The following CFAP58 variants were observed in gnomAD, a reference collection of about 807,000 sequenced individuals.
The protein encoded by CFAP58 is cilia- and flagella-associated protein 58.
Under a neutral mutation model 119.5 loss-of-function variants are expected in CFAP58, and 88 were observed. The ratio of observed to expected loss-of-function variants is 0.74; its 90% confidence interval spans 0.62 to 0.88. The LOEUF is 0.88. Ranked by LOEUF, CFAP58 falls within the 40% of genes least tolerant of loss-of-function variation. CFAP58 has a pLI of 0.00. For synonymous variants in CFAP58, 365 were observed against 366.3 expected (o/e 1.00, Z 0.04); for missense variants, 990 against 1,021.2 (o/e 0.97, Z 0.42).
chr10:104,345,427 T>A, the CFAP58 span, among the ~76,000 whole-genome samples: 1 of 152,150 alleles, frequency 6.6e-6, no homozygotes. Flanking sequence ...CTGTAGAATC[T>A]TAAATGTTCG....
intron 13 of CFAP58, among the ~76,000 whole-genome samples, chr10:104,401,675 G>A (rs186353875): frequency 6.6e-6 from 1 of 152,178 alleles, no homozygotes; most frequent in Non-Finnish European, 1.5e-5. Flanking sequence ...AATTGGGTTA[G>A]AAGATAGTTT....
chr10:104,392,732 TG>T (rs1167064963), intron 10 of CFAP58, among the ~76,000 whole-genome samples: 4 of 150,752 alleles, frequency 2.7e-5, no homozygotes, highest in African/African-American at 9.8e-5. Context: ...CTCTGCCTCC[TG>T]GGTTCAAGTG....
chr10:104,425,337 G>C (rs2012726447), intron 15 of CFAP58, among the ~76,000 whole-genome samples: 1 of 152,168 alleles, frequency 6.6e-6, no homozygotes, highest in Non-Finnish European at 1.5e-5. Flanking sequence ...GTGGGGATGT[G>C]GTTGAGTAGC....
At position 104,400,663 on chromosome 10, in the gene CFAP58, C is replaced by G. The variant is rs761762486; in HGVS notation, c.1816-17C>G. The G allele has an allele frequency of 4.4e-6, 7 of 1,606,452 alleles. No individual in the cohort carries two copies. In the Admixed American group the frequency reaches 1.2e-4, roughly 27 times the overall value. Reference sequence around the variant, plus strand: ...CTCCTCCTTCCCTGGTGACTATGCCCCTCCCTACCTTCCTAGGTCATCAGT... The same window carrying G: ...CTCCTCCTTCCCTGGTGACTATGCCGCTCCCTACCTTCCTAGGTCATCAGT... On this transcript the variant is annotated splice_polypyrimidine_tract_variant and intron_variant, in intron 12 of 17. Coordinates refer to ENST00000369704, the MANE Select transcript of CFAP58 (RefSeq NM_001008723.2).
At chr10:104,387,309 A>AGTT (rs1333044079) in intron 9 of CFAP58, among the ~76,000 whole-genome samples, 1 of 152,212 alleles carries the variant, frequency 6.6e-6, no homozygotes, top group Non-Finnish European at 1.5e-5. Flanking sequence ...GATTGGGCTC[A>AGTT]GTTCTGGACC....
At chr10:104,352,132 C>T (rs1393263807), upstream of CFAP58, among the ~76,000 whole-genome samples, 1 of 152,098 alleles carries the variant, frequency 6.6e-6, no homozygotes, top group African/African-American at 2.4e-5. Context: ...AGAAAATTAG[C>T]TAATTAGATG....
At chr10:104,379,958 C>T (rs2011749345) in intron 8 of CFAP58, 71 bp from the exon 9 acceptor site, 3 of 1,235,456 alleles carry the variant, frequency 2.4e-6, no homozygotes, top group East Asian at 2.3e-5. Flanking sequence ...AGAGATGAGG[C>T]AGAGGGTAAA....
intron 8 of CFAP58, 72 bp from the exon 9 acceptor site, chr10:104,379,957 G>A: frequency 2.5e-6 from 3 of 1,223,352 alleles, no homozygotes; most frequent in Non-Finnish European, 3.5e-6. Flanking sequence ...TAGAGATGAG[G>A]CAGAGGGTAA....
chr10:104,438,374 GTTTT>G (rs1331646903), intron 15 of CFAP58, among the ~76,000 whole-genome samples: 3 of 51,250 alleles, frequency 5.9e-5, no homozygotes, highest in African/African-American at 1.7e-4. Context: ...TTTTTTTTTT[GTTTT>G]TTTTTTTTGA....
In CFAP58 at chr10:104,376,899, T is replaced by C; in HGVS notation, c.1173+6T>C. On this transcript the variant is annotated splice_donor_region_variant and intron_variant, in intron 8 of 17. Transcript: ENST00000369704. ...AAAGGGACATACTAAATAAGGTGAG[T>C]GTGTTACAGTCACACTGGTAAATAA... The C allele has an allele frequency of 6.3e-7, 1 of 1,599,444 alleles. No individual in the cohort carries two copies. Among genetic ancestry groups the C allele is most frequent in the South Asian group, 1.1e-5 (1 of 90,756 alleles).
At chr10:104,418,247 T>G (rs538458471) in intron 15 of CFAP58, among the ~76,000 whole-genome samples, 82 of 152,124 alleles carry the variant, frequency 5.4e-4, no homozygotes, top group Non-Finnish European at 9.3e-4. Context: ...TGACCCCTCT[T>G]AGAAACCTTA....
rs1564875748 is a variant in CFAP58, at chr10:104,357,882, CATATATAA to C, written c.10-457_10-450del. 6.4e-4 allele frequency among the ~76,000 whole-genome samples: 69 copies of C among 108,504 alleles called. 4 individuals are homozygous for C. The highest frequency in any genetic ancestry group is 2.6e-3 in the African/African-American group (64 of 24,460). 71.2% of individuals were successfully genotyped at this position (108,504 alleles called of 152,430 possible). A position where few individuals can be genotyped will look rare whatever the true frequency, so the allele number is the denominator to read the frequency against. The stretch of plus-strand genomic sequence containing the variant: ...ACACATATATACACATATATGTACA[CATATATAA>C]ACATATATGTACACATATACACACA... On this transcript the variant is annotated intron_variant, in intron 1 of 17. Coordinates refer to ENST00000369704, the MANE Select transcript of CFAP58 (RefSeq NM_001008723.2).
chr10:104,414,845 G>T (rs1239508516), intron 15 of CFAP58, among the ~76,000 whole-genome samples: 1 of 151,892 alleles, frequency 6.6e-6, no homozygotes, highest in African/African-American at 2.4e-5. Context: ...AATTTTTTTT[G>T]TATTTTTTGG....
chr10:104,400,643 C>T (rs2012244254), intron 12 of CFAP58, 37 bp from the exon 13 acceptor site: 1 of 1,554,650 alleles, frequency 6.4e-7, no homozygotes, highest in African/African-American at 1.4e-5. Flanking sequence ...TAAGGCTCCT[C>T]CTTCCCTGGT....
the CFAP58 span, among the ~76,000 whole-genome samples, chr10:104,339,650 A>G: frequency 0.25 from 38,393 of 152,148 alleles, 5,040 homozygotes; most frequent in Middle Eastern, 0.3. Flanking sequence ...TGAGTCTGAA[A>G]GATAAACAGG....
intron 15 of CFAP58, among the ~76,000 whole-genome samples, chr10:104,410,285 A>G (rs200865570): frequency 6.6e-6 from 1 of 152,206 alleles, no homozygotes; most frequent in Non-Finnish European, 1.5e-5. Flanking sequence ...AGCCATCACC[A>G]CTATTATGTT....
At chr10:104,390,292 C>A (rs1434598027) in intron 9 of CFAP58, among the ~76,000 whole-genome samples, 1 of 152,022 alleles carries the variant, frequency 6.6e-6, no homozygotes, top group Admixed American at 6.6e-5. Flanking sequence ...TATTATGCAA[C>A]CTTTAAAGAG....
chr10:104,417,290 C>T (rs1041786876), intron 15 of CFAP58, among the ~76,000 whole-genome samples: 1 of 152,176 alleles, frequency 6.6e-6, no homozygotes, highest in African/African-American at 2.4e-5. Context: ...ATATGGAGCT[C>T]ATCATTTTAT....
chr10:104,454,370 AC>A lies in CFAP58; in HGVS notation c.2511-51del, dbSNP rs2013244319. On this transcript the variant is annotated intron_variant, in intron 17 of 17. Coordinates refer to ENST00000369704, the MANE Select transcript of CFAP58 (RefSeq NM_001008723.2). ...ACACCCTAGGATTATCAAATGTCAA[AC>A]TTAGACAAAAAGGATGTTAAGGAAG... The A allele has an allele frequency of 4.3e-6, 6 of 1,410,118 alleles. No homozygotes were observed. The African/African-American group carries it at 7.1e-5, about 17-fold the overall frequency. 87.4% of individuals were successfully genotyped at this position (1,410,118 alleles called of 1,614,324 possible). A position where few individuals can be genotyped will look rare whatever the true frequency, so the allele number is the denominator to read the frequency against.
Sources: gnomAD v4.1 joint callset for allele counts (sites outside exome capture counted in the v4.1 genomes callset) on GRCh38, gnomAD v4.1.1 for gene constraint, MANE v1.5 for transcripts, NCBI Gene and HGNC (gene_info 2026-07-23, HGNC 2026-07-21) for gene names.